The following CTBP2 variants were observed in gnomAD, a reference collection of about 807,000 sequenced individuals.
CTBP2 encodes C-terminal binding protein 2.
Under a neutral mutation model 80.3 loss-of-function variants are expected in CTBP2, and 30 were observed. The ratio of observed to expected loss-of-function variants is 0.37; its 90% CI spans 0.28 to 0.51. CTBP2 has a LOEUF of 0.51. Among genes scored for constraint, CTBP2 ranks in the 20% least tolerant of loss-of-function variants. The pLI is 0.93. For missense variants in CTBP2, 1,212 were observed against 1,375.3 expected (o/e 0.88, Z 1.88); for synonymous variants, 594 against 587.4 (o/e 1.01, Z -0.16).
At chr10:125,094,121 A>G (rs933343347) in intron 2 of CTBP2, among the ~76,000 whole-genome samples, 1 of 152,288 alleles carries the variant, frequency 6.6e-6, no homozygotes, top group East Asian at 1.9e-4. Context: ...AATGGTTTCA[A>G]TTAAAAGTTA....
In CTBP2 at chr10:125,098,764, G is replaced by GAGAGAGAC. The variant is rs1564914922; in HGVS notation, c.-102+12225_-102+12226insGTCTCTCT. Among the ~76,000 whole-genome samples the GAGAGAGAC allele has an allele frequency of 9.7e-3, 1,021 of 105,318 alleles. 97 individuals carry two copies. Among genetic ancestry groups the GAGAGAGAC allele is most frequent in the African/African-American group, 0.042 (899 of 21,542 alleles). 69.1% of individuals were successfully genotyped at this position (105,318 alleles called of 152,430 possible). ...AGAGAGAGAGACAGAGAGAGAGAGAGAGAGAGAGAGAGAGACAGAGAGAGA... is the reference window on the plus strand; with the variant it reads ...AGAGAGAGAGACAGAGAGAGAGAGAGAGAGAGACAGAGAGAGAGAGAGACAGAGAGAGA... On this transcript the variant is annotated intron_variant, in intron 2 of 10. Coordinates refer to the CTBP2 transcript ENST00000337195.
intron 2 of CTBP2, among the ~76,000 whole-genome samples, chr10:125,072,613 ACT>A (rs71912376): frequency 0.26 from 36,281 of 140,074 alleles, 5,178 homozygotes; most frequent in East Asian, 0.41. Context: ...GCAGAGTGAG[ACT>A]CTGTCTCAAA....
intron 1 of CTBP2, among the ~76,000 whole-genome samples, chr10:125,123,957 T>C (rs1247142008): frequency 6.6e-6 from 1 of 152,190 alleles, no homozygotes; most frequent in Non-Finnish European, 1.5e-5. Context: ...GCTGGGCAAG[T>C]GCCTCTCTGG....
chr10:125,104,667 C>T (rs1851188985), intron 2 of CTBP2, among the ~76,000 whole-genome samples: 1 of 152,238 alleles, frequency 6.6e-6, no homozygotes, highest in Non-Finnish European at 1.5e-5. Context: ...TGAAAACCTC[C>T]TATTTATCCT....
intron 2 of CTBP2, among the ~76,000 whole-genome samples, chr10:125,092,655 C>A (rs1152670): frequency 0.034 from 5,192 of 152,248 alleles, 276 homozygotes; most frequent in African/African-American, 0.12. Flanking sequence ...GCAAGTCAGG[C>A]CCCGGGGGCA....
chr10:125,011,922 C>A (rs917941086), intron 1 of CTBP2, among the ~76,000 whole-genome samples: 3 of 152,234 alleles, frequency 2.0e-5, no homozygotes, highest in Admixed American at 2.0e-4. Context: ...GGCTCCGTCA[C>A]CTTCACCTAA....
chr10:125,154,149 G>A (rs1024614207), intron 1 of CTBP2, among the ~76,000 whole-genome samples: 4 of 152,190 alleles, frequency 2.6e-5, no homozygotes, highest in African/African-American at 9.7e-5. Flanking sequence ...GAGAGCTTTG[G>A]AGGAAGCACA....
At position 125,026,116 on chromosome 10, in the gene CTBP2, G is replaced by A. The variant is rs147589158; in HGVS notation, c.1644C>T (p.Pro548=). Residue 548 remains proline, a synonymous_variant, in exon 1 of 9, where the codon CCC becomes CCT. Coordinates refer to ENST00000309035, the MANE Select transcript of CTBP2 (RefSeq NM_022802.3). Reference sequence around the variant, plus strand: ...GTGCAAGCATGGTGGACACGATGATGGGTGCCCCTGTGCGCCGGGCCACCT... The same window carrying A: ...GTGCAAGCATGGTGGACACGATGATAGGTGCCCCTGTGCGCCGGGCCACCT... 3 of 1,586,294 alleles carry A rather than the reference G, an allele frequency of 1.9e-6. No homozygotes were observed. Among genetic ancestry groups the A allele is most frequent in the East Asian group, 2.2e-5 (1 of 44,468 alleles).
At chr10:125,079,891 A>T (rs1590620177) in intron 2 of CTBP2, among the ~76,000 whole-genome samples, 1 of 152,212 alleles carries the variant, frequency 6.6e-6, no homozygotes. Context: ...TAAGCACTCC[A>T]TGGAGAAGTA....
At chr10:125,052,663 G>A (rs542254132) in intron 2 of CTBP2, among the ~76,000 whole-genome samples, 10 of 152,202 alleles carry the variant, frequency 6.6e-5, no homozygotes, top group Admixed American at 5.9e-4. Context: ...AGCAGCAAAC[G>A]GATGGTGATT....
chr10:125,104,233 C>T (rs552243788), intron 2 of CTBP2, among the ~76,000 whole-genome samples: 1 of 152,260 alleles, frequency 6.6e-6, no homozygotes, highest in Admixed American at 6.5e-5. Flanking sequence ...CCTGTGCGGG[C>T]GCCATTGTTG....
intron 2 of CTBP2, among the ~76,000 whole-genome samples, chr10:125,070,501 G>A (rs771750969): frequency 6.6e-6 from 1 of 151,606 alleles, no homozygotes; most frequent in African/African-American, 2.4e-5. Flanking sequence ...AGACTTCAGC[G>A]AGCTATGATG....
chr10:125,046,793 C>G (rs1961366705), intron 2 of CTBP2, among the ~76,000 whole-genome samples: 1 of 152,156 alleles, frequency 6.6e-6, no homozygotes, highest in African/African-American at 2.4e-5. Flanking sequence ...AGGAGGTGAG[C>G]AAATCTAAAA....
At chr10:125,058,363 G>A (rs955583255) in intron 2 of CTBP2, among the ~76,000 whole-genome samples, 2 of 152,182 alleles carry the variant, frequency 1.3e-5, no homozygotes, top group African/African-American at 4.8e-5. Flanking sequence ...GTCCCATAAA[G>A]GTGCTCTCAC....
intron 2 of CTBP2, among the ~76,000 whole-genome samples, chr10:125,041,987 A>T (rs1267071133): frequency 1.7e-5 from 2 of 114,450 alleles, no homozygotes; most frequent in East Asian, 2.6e-4. Context: ...GGGGTGGGGG[A>T]GGGGGGTCAC....
At chr10:125,039,142 C>T (rs528103492) in exon 3 of CTBP2, 26 of 1,130,062 alleles carry the variant, frequency 2.3e-5, no homozygotes, top group East Asian at 7.1e-5. Flanking sequence ...GCGTGCATGA[C>T]GCCACTATGA....
intron 2 of CTBP2, among the ~76,000 whole-genome samples, chr10:125,064,428 T>C (rs1210116100): frequency 1.3e-5 from 2 of 152,130 alleles, no homozygotes; most frequent in African/African-American, 4.8e-5. Context: ...GTGCAATCCC[T>C]GGGGAAACAG....
intron 1 of CTBP2, among the ~76,000 whole-genome samples, chr10:125,006,726 G>A (rs1955291818): frequency 3.3e-5 from 5 of 152,238 alleles, no homozygotes. Context: ...GACACACAGA[G>A]TAAGATTCAT....
At chr10:125,138,671 A>T (rs1857331408) in intron 1 of CTBP2, among the ~76,000 whole-genome samples, 1 of 152,040 alleles carries the variant, frequency 6.6e-6, no homozygotes, top group South Asian at 2.1e-4. Context: ...ATGGTTAAAA[A>T]AAAAAAAAAA....
Sources: allele counts gnomAD v4.1 joint callset (sites outside exome capture counted in the v4.1 genomes callset), GRCh38; gene constraint gnomAD v4.1.1; transcripts MANE v1.5; gene names NCBI Gene and HGNC (gene_info 2026-07-23, HGNC 2026-07-21).